Variants in DLG2 observed in about 807,000 individuals in gnomAD.
DLG2 encodes disks large homolog 2.
DLG2 carries 45 observed loss-of-function variants against 132.5 expected under a neutral mutation model. The observed-to-expected ratio is 0.34, with a 90% CI of 0.27 to 0.44. The LOEUF is 0.44. DLG2 is among the 20% of genes least tolerant of loss of function. DLG2 has a pLI of 1.00. For synonymous variants in DLG2, 424 were observed against 419.6 expected (o/e 1.01, Z -0.13); for missense variants, 1,045 against 1,196.9 (o/e 0.87, Z 1.87).
At chr11:84,145,236 A>T (rs1480765740) in intron 9 of DLG2, among the ~76,000 whole-genome samples, 1 of 152,206 alleles carries the variant, frequency 6.6e-6, no homozygotes, top group East Asian at 1.9e-4. Flanking sequence ...TTATACAGTC[A>T]TGTGTTGCTT....
chr11:84,373,574 G>GA (rs138565086), intron 7 of DLG2, among the ~76,000 whole-genome samples: 129 of 144,416 alleles, frequency 8.9e-4, no homozygotes, highest in Middle Eastern at 3.6e-3. Context: ...TGTCTAAAAA[G>GA]AAAAAAAAAA....
chr11:84,166,517 A>AAAAAAAAAAAAAAG (rs1555391554), intron 8 of DLG2, among the ~76,000 whole-genome samples: 1 of 136,376 alleles, frequency 7.3e-6, no homozygotes, highest in African/African-American at 2.8e-5. Context: ...AAAAAAAAAA[A>AAAAAAAAAAAAAAG]AAAGAAAAGA....
chr11:84,712,345 A>C (rs2060541772), intron 6 of DLG2, among the ~76,000 whole-genome samples: 1 of 152,068 alleles, frequency 6.6e-6, no homozygotes, highest in South Asian at 2.1e-4. Flanking sequence ...TGAAGTGGCA[A>C]GTATGTATTG....
At chr11:84,009,958 C>T (rs1382669228) in intron 11 of DLG2, among the ~76,000 whole-genome samples, 1 of 152,074 alleles carries the variant, frequency 6.6e-6, no homozygotes, top group Non-Finnish European at 1.5e-5. Context: ...GACTGTCTGG[C>T]AGCAAAGCCT....
intron 19 of DLG2, among the ~76,000 whole-genome samples, chr11:83,553,889 C>CTTTT (rs57434000): frequency 4.9e-5 from 7 of 142,872 alleles, no homozygotes; most frequent in East Asian, 2.0e-4. Context: ...ACAATCTTTT[C>CTTTT]TTTTTTTTTC....
chr11:83,777,772 C>G (rs2094643589), intron 18 of DLG2, among the ~76,000 whole-genome samples: 1 of 152,082 alleles, frequency 6.6e-6, no homozygotes, highest in African/African-American at 2.4e-5. Context: ...AAGATAATTT[C>G]TGTGTGTTTA....
chr11:84,273,283 G>T, intron 7 of DLG2: 1 of 1,143,670 alleles, frequency 8.7e-7, no homozygotes. Context: ...CTCAAACTGA[G>T]CTCACAGAAC....
intron 8 of DLG2, among the ~76,000 whole-genome samples, chr11:84,178,432 G>A (rs528698884): frequency 2.0e-5 from 3 of 152,238 alleles, no homozygotes; most frequent in Non-Finnish European, 2.9e-5. Context: ...AAGGTCGTGA[G>A]TATCCTCAAG....
chr11:84,826,433 C>T (rs756779242), intron 6 of DLG2, among the ~76,000 whole-genome samples: 10 of 151,796 alleles, frequency 6.6e-5, no homozygotes, highest in Admixed American at 2.0e-4. Context: ...AGGAGAGCCT[C>T]GGAGGCAAAA....
At chr11:85,375,514 TG>T (rs2085335433) in intron 3 of DLG2, among the ~76,000 whole-genome samples, 1 of 152,160 alleles carries the variant, frequency 6.6e-6, no homozygotes, top group Admixed American at 6.5e-5. Context: ...CCTGTTTCTA[TG>T]GGAAAAAAAC....
chr11:84,797,838 G>C (rs771441030), intron 6 of DLG2, among the ~76,000 whole-genome samples: 5 of 152,174 alleles, frequency 3.3e-5, no homozygotes, highest in Admixed American at 6.5e-5. Flanking sequence ...ATGCTTGTTT[G>C]TACCTGTCTT....
intron 6 of DLG2, among the ~76,000 whole-genome samples, chr11:84,630,279 G>A (rs1163225615): frequency 6.6e-6 from 1 of 152,140 alleles, no homozygotes; most frequent in African/African-American, 2.4e-5. Context: ...CTCAGAAGGG[G>A]CAACAGAATC....
At chr11:85,428,515 T>C (rs2090937202) in intron 3 of DLG2, among the ~76,000 whole-genome samples, 1 of 152,238 alleles carries the variant, frequency 6.6e-6, no homozygotes, top group Non-Finnish European at 1.5e-5. Flanking sequence ...AACAACCTGC[T>C]CCTGTATGAC....
At chr11:84,055,751 T>C (rs1299161541) in intron 11 of DLG2, among the ~76,000 whole-genome samples, 1 of 152,072 alleles carries the variant, frequency 6.6e-6, no homozygotes, top group African/African-American at 2.4e-5. Flanking sequence ...CCCTTAACAA[T>C]CTGTTACATT....
chr11:85,503,198 T>C (rs1485759809), intron 3 of DLG2, among the ~76,000 whole-genome samples: 40 of 152,150 alleles, frequency 2.6e-4, no homozygotes, highest in Admixed American at 2.4e-3. Context: ...TGTACCATTA[T>C]ATTTTATACT....
At chr11:85,092,601 G>A (rs952662840) in intron 6 of DLG2, among the ~76,000 whole-genome samples, 6 of 150,534 alleles carry the variant, frequency 4.0e-5, no homozygotes, top group African/African-American at 1.5e-4. Flanking sequence ...GGTAATTTTT[G>A]CAAGTACATA....
chr11:83,678,866 T>A (rs1369476405), intron 18 of DLG2, among the ~76,000 whole-genome samples: 1 of 152,164 alleles, frequency 6.6e-6, no homozygotes, highest in Non-Finnish European at 1.5e-5. Flanking sequence ...AATTTTATAC[T>A]TCGGTAAAAA....
At chr11:85,036,956 G>A (rs369915208) in intron 6 of DLG2, among the ~76,000 whole-genome samples, 1 of 152,142 alleles carries the variant, frequency 6.6e-6, no homozygotes, top group Admixed American at 6.5e-5. Context: ...TTCTCTGTTT[G>A]TTCTCAGAAG....
At chr11:83,829,705 A>G (rs1423347853) in intron 17 of DLG2, among the ~76,000 whole-genome samples, 1 of 151,988 alleles carries the variant, frequency 6.6e-6, no homozygotes, top group East Asian at 1.9e-4. Flanking sequence ...TTAAATTCCA[A>G]TAGTGAACCT....
Sources: allele counts gnomAD v4.1 joint callset (sites outside exome capture counted in the v4.1 genomes callset), GRCh38; gene constraint gnomAD v4.1.1; transcripts MANE v1.5; gene names NCBI Gene and HGNC (gene_info 2026-07-23, HGNC 2026-07-21).